The following PTPRO variants were observed in gnomAD, a reference collection of about 807,000 sequenced individuals.
PTPRO encodes protein tyrosine phosphatase receptor type O.
In PTPRO, 62 loss-of-function variants were observed where a neutral mutation model predicts 145.2. That is an observed-to-expected ratio of 0.43 (90% CI 0.35 to 0.53). The LOEUF is 0.53. Among genes scored for constraint, PTPRO ranks in the 20% least tolerant of loss-of-function variants. The pLI is 0.01. For synonymous variants in PTPRO, 565 were observed against 514.7 expected (o/e 1.10, Z -1.32); for missense variants, 1,345 against 1,482.7 (o/e 0.91, Z 1.53).
intron 1 of PTPRO, among the ~76,000 whole-genome samples, chr12:15,422,341 C>A (rs1033749780): frequency 2.0e-5 from 3 of 151,978 alleles, no homozygotes; most frequent in Non-Finnish European, 4.4e-5. Flanking sequence ...CACATGGTAA[C>A]CACTACATAA....
chr12:15,485,569 G>A (rs758463177), intron 2 of PTPRO, among the ~76,000 whole-genome samples: 25 of 152,074 alleles, frequency 1.6e-4, no homozygotes, highest in African/African-American at 5.3e-4. Context: ...GCAAGTAATA[G>A]GAGAGACCCG....
intron 1 of PTPRO, among the ~76,000 whole-genome samples, chr12:15,481,257 A>G (rs1014544080): frequency 6.6e-6 from 1 of 152,156 alleles, no homozygotes; most frequent in Non-Finnish European, 1.5e-5. Flanking sequence ...CCAGAAGTAC[A>G]TTGCTCAATG....
intron 1 of PTPRO, among the ~76,000 whole-genome samples, chr12:15,364,741 A>G (rs558750714): frequency 7.1e-4 from 108 of 152,318 alleles, no homozygotes; most frequent in African/African-American, 2.2e-3. Flanking sequence ...TGAATTTTGC[A>G]GGGCCTGTAC....
chr12:15,552,991 G>T (rs1219808096), intron 15 of PTPRO, among the ~76,000 whole-genome samples: 1 of 151,668 alleles, frequency 6.6e-6, no homozygotes, highest in Non-Finnish European at 1.5e-5. Context: ...GTAGACACAG[G>T]GTTTCACCAT....
At chr12:15,397,843 T>C (rs907771792) in intron 1 of PTPRO, among the ~76,000 whole-genome samples, 1 of 152,168 alleles carries the variant, frequency 6.6e-6, no homozygotes, top group Admixed American at 6.5e-5. Context: ...ACCAAAACCA[T>C]ACCTGCTTAA....
intron 16 of PTPRO, among the ~76,000 whole-genome samples, chr12:15,559,458 T>C (rs1003831195): frequency 6.6e-6 from 1 of 152,144 alleles, no homozygotes; most frequent in Non-Finnish European, 1.5e-5. Flanking sequence ...TGACAAGTGG[T>C]TTGAATATCT....
rs1942554781 is a variant in PTPRO, at chr12:15,515,368, T to A, written c.1465-130T>A. ...CATCCTAATTTTGGAATCTGACAGCTTCAGTAAAGCCTTCTGGATTTCAAA... is the reference window on the plus strand; with the variant it reads ...CATCCTAATTTTGGAATCTGACAGCATCAGTAAAGCCTTCTGGATTTCAAA... On this transcript the variant is annotated intron_variant, in intron 7 of 26. Coordinates refer to ENST00000281171, the MANE Select transcript of PTPRO (RefSeq NM_030667.3). 17 of 1,223,650 alleles carry A rather than the reference T, an allele frequency of 1.4e-5. No individual in the cohort carries two copies. The South Asian group carries it at 2.1e-4, about 15-fold the overall frequency. 75.8% of individuals were successfully genotyped at this position (1,223,650 alleles called of 1,614,324 possible).
chr12:15,483,004 T>A (rs1941811619), intron 1 of PTPRO, among the ~76,000 whole-genome samples: 1 of 152,128 alleles, frequency 6.6e-6, no homozygotes, highest in African/African-American at 2.4e-5. Flanking sequence ...GAGATGTTTT[T>A]ATATATGGAG....
chr12:15,403,067 A>C (rs1291897750), intron 1 of PTPRO, among the ~76,000 whole-genome samples: 1 of 152,190 alleles, frequency 6.6e-6, no homozygotes, highest in Non-Finnish European at 1.5e-5. Flanking sequence ...TTGATTTCTT[A>C]TTCATCTGAG....
At chr12:15,436,040 G>C (rs777546170) in intron 1 of PTPRO, among the ~76,000 whole-genome samples, 1 of 152,168 alleles carries the variant, frequency 6.6e-6, no homozygotes, top group African/African-American at 2.4e-5. Flanking sequence ...GATACATAAC[G>C]AAATGAAGGC....
At chr12:15,459,012 G>A (rs891301932) in intron 1 of PTPRO, among the ~76,000 whole-genome samples, 6 of 152,090 alleles carry the variant, frequency 3.9e-5, no homozygotes, top group African/African-American at 1.4e-4. Context: ...CAGAGATTCT[G>A]GGGGCTTCTC....
intron 1 of PTPRO, among the ~76,000 whole-genome samples, chr12:15,356,727 C>T (rs968694472): frequency 6.6e-6 from 1 of 152,122 alleles, no homozygotes; most frequent in Non-Finnish European, 1.5e-5. Context: ...CAGTTCATTT[C>T]TTTATATGGA....
chr12:15,372,070 C>T (rs1166141721), intron 1 of PTPRO, among the ~76,000 whole-genome samples: 1 of 152,108 alleles, frequency 6.6e-6, no homozygotes, highest in Non-Finnish European at 1.5e-5. Context: ...TTGAAATTGT[C>T]TTTGAAGGCA....
At chr12:15,454,878 G>A (rs1170712197) in intron 1 of PTPRO, among the ~76,000 whole-genome samples, 2 of 151,768 alleles carry the variant, frequency 1.3e-5, no homozygotes, top group African/African-American at 4.8e-5. Context: ...CCACATCTAG[G>A]ATCAATAAAA....
chr12:15,349,388 A>C (rs188769348), intron 1 of PTPRO, among the ~76,000 whole-genome samples: 1 of 152,306 alleles, frequency 6.6e-6, no homozygotes, highest in Admixed American at 6.5e-5. Context: ...TTGGATGTAT[A>C]ATATGGAATA....
Position 15,499,664 on chromosome 12 carries a change from T to A in PTPRO, c.661+70T>A, listed in dbSNP as rs1307347238. 4 of 1,507,990 alleles carry A rather than the reference T, an allele frequency of 2.7e-6. No homozygotes were observed. The East Asian group carries it at 9.1e-5, about 34-fold the overall frequency. 93.4% of individuals were successfully genotyped at this position (1,507,990 alleles called of 1,614,324 possible). On this transcript the variant is annotated intron_variant, in intron 4 of 26. Coordinates refer to ENST00000281171, the MANE Select transcript of PTPRO (RefSeq NM_030667.3). ...TATATTTTGCTGTACATTTATTTTT[T>A]ATCCTAAGAAATATTCTGATCCAGA...
At chr12:15,333,469 T>C (rs1162251826) in intron 1 of PTPRO, among the ~76,000 whole-genome samples, 1 of 152,206 alleles carries the variant, frequency 6.6e-6, no homozygotes, top group East Asian at 1.9e-4. Context: ...TATGGTAATG[T>C]CCAGTGAACA....
At chr12:15,335,237 T>C (rs1866723772) in intron 1 of PTPRO, among the ~76,000 whole-genome samples, 1 of 152,092 alleles carries the variant, frequency 6.6e-6, no homozygotes, top group Non-Finnish European at 1.5e-5. Context: ...TTCTTAGATT[T>C]TTATCTAGGA....
chr12:15,341,852 C>A (rs192128986), intron 1 of PTPRO, among the ~76,000 whole-genome samples: 1 of 152,338 alleles, frequency 6.6e-6, no homozygotes, highest in East Asian at 1.9e-4. Context: ...AGATTACCTG[C>A]CTGCAATCAC....
Sources: allele counts gnomAD v4.1 joint callset (sites outside exome capture counted in the v4.1 genomes callset), GRCh38; gene constraint gnomAD v4.1.1; transcripts MANE v1.5; gene names NCBI Gene and HGNC (gene_info 2026-07-23, HGNC 2026-07-21).